Variants in ERBB4 observed in about 807,000 individuals in gnomAD.
ERBB4 encodes the protein erb-b2 receptor tyrosine kinase 4, also known as receptor tyrosine-protein kinase erbB-4.
Under a neutral mutation model 158.0 loss-of-function variants are expected in ERBB4, and 42 were observed. The ratio of observed to expected loss-of-function variants is 0.27; its 90% confidence interval spans 0.21 to 0.34. The LOEUF (loss-of-function observed/expected upper bound fraction) is 0.34, where lower values mean the gene tolerates loss of function less well. Ranked by LOEUF, ERBB4 falls within the 10% of genes least tolerant of loss-of-function variation. ERBB4 has a pLI of 1.00. For missense variants in ERBB4, 1,333 were observed against 1,624.1 expected (o/e 0.82, Z 3.08); for synonymous variants, 583 against 558.7 (o/e 1.04, Z -0.61).
At chr2:212,442,114 T>C (rs1009593084) in intron 1 of ERBB4, among the ~76,000 whole-genome samples, 1 of 152,196 alleles carries the variant, frequency 6.6e-6, no homozygotes, top group East Asian at 1.9e-4. Context: ...GCAATAAGAA[T>C]AGTCTGACTC....
At chr2:212,429,748 A>C (rs73062352) in intron 1 of ERBB4, among the ~76,000 whole-genome samples, 1 of 151,990 alleles carries the variant, frequency 6.6e-6, no homozygotes, top group Non-Finnish European at 1.5e-5. Context: ...AAACCTGTCT[A>C]GGTCTGACCC....
intron 12 of ERBB4, among the ~76,000 whole-genome samples, chr2:211,685,895 T>C (rs2072546106): frequency 6.6e-6 from 1 of 152,196 alleles, no homozygotes; most frequent in Admixed American, 6.5e-5. Flanking sequence ...AATAGTATTA[T>C]AGTTTTAATT....
intron 1 of ERBB4, among the ~76,000 whole-genome samples, chr2:212,250,911 A>G (rs2084507646): frequency 6.6e-6 from 1 of 151,982 alleles, no homozygotes; most frequent in African/African-American, 2.4e-5. Flanking sequence ...GTTATTTTTA[A>G]AAAGATTTTC....
chr2:211,565,392 C>T (rs2067517639), intron 19 of ERBB4, among the ~76,000 whole-genome samples: 1 of 151,736 alleles, frequency 6.6e-6, no homozygotes, highest in Non-Finnish European at 1.5e-5. Flanking sequence ...GATACATAGG[C>T]TAAAAAGAAA....
intron 20 of ERBB4, among the ~76,000 whole-genome samples, chr2:211,466,889 T>C (rs560288958): frequency 1.3e-5 from 2 of 152,206 alleles, no homozygotes; most frequent in East Asian, 3.9e-4. Flanking sequence ...CTCTCTCTTT[T>C]CTCTCTCCAG....
chr2:211,745,736 A>C (rs576308877), intron 5 of ERBB4, among the ~76,000 whole-genome samples: 4,915 of 71,740 alleles, frequency 0.069, 414 homozygotes, highest in African/African-American at 0.19. Flanking sequence ...AAAACAAAAC[A>C]AAAAAAACCC....
intron 25 of ERBB4, among the ~76,000 whole-genome samples, chr2:211,416,427 G>A (rs761478886): frequency 1.3e-5 from 2 of 152,068 alleles, no homozygotes; most frequent in African/African-American, 2.4e-5. Flanking sequence ...AAAGAAGGCC[G>A]CAATGGAAAC....
At chr2:212,433,374 A>C (rs1303258383) in intron 1 of ERBB4, among the ~76,000 whole-genome samples, 2 of 152,010 alleles carry the variant, frequency 1.3e-5, no homozygotes, top group South Asian at 4.1e-4. Context: ...TTCTACTGAG[A>C]CTAAAATATT....
In ERBB4 at chr2:212,353,144, T is replaced by A. The variant is rs188436357; in HGVS notation, c.82+185305A>T. Reference sequence around the variant, plus strand: ...AGGACCAGTTCTAGGGGATAATTGTTTTTGTTAGGCTTTGAATTCTCTGGC... The same window carrying A: ...AGGACCAGTTCTAGGGGATAATTGTATTTGTTAGGCTTTGAATTCTCTGGC... On this transcript the variant is annotated intron_variant, in intron 1 of 27. Coordinates refer to ENST00000342788, the MANE Select transcript of ERBB4 (RefSeq NM_005235.3). Among the ~76,000 whole-genome samples, 790 of 152,108 alleles carry A rather than the reference T, an allele frequency of 5.2e-3. 5 individuals carry two copies. Among genetic ancestry groups the A allele is most frequent in the Middle Eastern group, 0.02 (6 of 294 alleles).
intron 3 of ERBB4, among the ~76,000 whole-genome samples, chr2:211,918,094 G>A (rs1300440654): frequency 6.6e-6 from 1 of 152,154 alleles, no homozygotes; most frequent in Non-Finnish European, 1.5e-5. Context: ...TAGCTTAATG[G>A]AGGATATCAC....
At chr2:211,608,627 C>T (rs1015919801) in intron 19 of ERBB4, among the ~76,000 whole-genome samples, 5 of 152,064 alleles carry the variant, frequency 3.3e-5, no homozygotes, top group Admixed American at 1.3e-4. Context: ...AGAAAATCTT[C>T]GGAAAATATT....
In ERBB4 at chr2:211,383,257, A is replaced by G. The variant is rs1261071574; in HGVS notation, c.*358T>C. 2 of 299,258 alleles carry G rather than the reference A, an allele frequency of 6.7e-6. No homozygotes were observed. The highest frequency in any genetic ancestry group is 1.3e-5 in the Non-Finnish European group (2 of 157,800). The allele number at this position is 299,258 out of a possible 1,614,324, so 18.5% of individuals were successfully genotyped here. A position where few individuals can be genotyped will look rare whatever the true frequency, so the allele number is the denominator to read the frequency against. ...CCATCTGCTTTAAAAAAAAAAAAAA[A>G]AAAGAAGAGGAAGAAAGAAACAAAG... On this transcript the variant is annotated 3_prime_UTR_variant, in exon 28 of 28. Coordinates refer to ENST00000342788, the MANE Select transcript of ERBB4 (RefSeq NM_005235.3).
chr2:211,887,411 C>A (rs2078833533), intron 3 of ERBB4, among the ~76,000 whole-genome samples: 1 of 152,062 alleles, frequency 6.6e-6, no homozygotes, highest in African/African-American at 2.4e-5. Context: ...TAACCCAGTC[C>A]ATGGTGTTCA....
rs570125673 is a variant in ERBB4 at position 211,590,052 on chromosome 2, T to C, written c.2302-27964A>G. ...TCTAGAAAAATTACTGGCAGAAAAA[T>C]AGGATGAACATATTAACAGAAGAGT... On this transcript the variant is annotated intron_variant, in intron 19 of 27. Coordinates refer to ENST00000342788, the MANE Select transcript of ERBB4 (RefSeq NM_005235.3). Among the ~76,000 whole-genome samples, 243 of 152,178 alleles carry C rather than the reference T, an allele frequency of 1.6e-3. 3 individuals are homozygous for C. The highest frequency in any genetic ancestry group is 7.7e-4 in the East Asian group (4 of 5,168).
chr2:211,417,766 C>T (rs1052458087), intron 25 of ERBB4, among the ~76,000 whole-genome samples: 1 of 152,014 alleles, frequency 6.6e-6, no homozygotes, highest in Non-Finnish European at 1.5e-5. Context: ...CATCAACAAG[C>T]TTTTCATAGA....
intron 22 of ERBB4, among the ~76,000 whole-genome samples, chr2:211,426,833 AAT>A (rs1238681654): frequency 6.6e-6 from 1 of 151,360 alleles, no homozygotes; most frequent in Non-Finnish European, 1.5e-5. Context: ...AATCTGACAT[AAT>A]ATATATTCTA....
chr2:211,966,236 ATATTATTAT>A (rs1046454336), intron 2 of ERBB4, among the ~76,000 whole-genome samples: 1 of 151,932 alleles, frequency 6.6e-6, no homozygotes, highest in Non-Finnish European at 1.5e-5. Context: ...AAGAATTTCA[ATATTATTAT>A]TATTATTATT....
intron 3 of ERBB4, among the ~76,000 whole-genome samples, chr2:211,946,516 A>G (rs1216615752): frequency 2.0e-5 from 3 of 150,666 alleles, no homozygotes; most frequent in Admixed American, 1.3e-4. Context: ...TTTATAGTAA[A>G]TTAAAAGTGT....
chr2:211,791,225 G>A (rs982899465), intron 3 of ERBB4, among the ~76,000 whole-genome samples: 1 of 151,864 alleles, frequency 6.6e-6, no homozygotes, highest in Non-Finnish European at 1.5e-5. Context: ...ATAAGAAAGA[G>A]GGACAAGGAT....
Sources: gnomAD v4.1 joint callset for allele counts (sites outside exome capture counted in the v4.1 genomes callset) on GRCh38, gnomAD v4.1.1 for gene constraint, MANE v1.5 for transcripts, NCBI Gene and HGNC (gene_info 2026-07-23, HGNC 2026-07-21) for gene names.